DPP6: variants seen among roughly 807,000 people sequenced by gnomAD.
The protein encoded by DPP6 is dipeptidyl peptidase like 6.
In DPP6, 69 loss-of-function variants were observed where a neutral mutation model predicts 122.6. That is an observed-to-expected ratio of 0.56 (90% CI 0.46 to 0.69). The LOEUF (loss-of-function observed/expected upper bound fraction) is 0.69. Among genes scored for constraint, DPP6 ranks in the 30% least tolerant of loss-of-function variants. DPP6 has a pLI of 0.00. For synonymous variants in DPP6, 418 were observed against 433.1 expected, an observed-to-expected ratio of 0.97 and a Z score of 0.43; for missense variants, 928 against 1,116.9, an observed-to-expected ratio of 0.83 and a Z score of 2.41.
In DPP6 at chr7:154,542,276, C is replaced by T. The variant is rs544141217; in HGVS notation, c.552+1650C>T. 6.6e-5 allele frequency among the ~76,000 whole-genome samples: 10 copies of T among 152,248 alleles called. No individual in the cohort carries two copies. The South Asian group carries it at 2.1e-3, about 32-fold the overall frequency. ...AAAAAAATCATCTTTGGTAGAATTA[C>T]TCCCCTAAGAGAATCTGATTCAACT... On this transcript the variant is annotated intron_variant, in intron 4 of 25. Coordinates refer to ENST00000377770, the MANE Select transcript of DPP6 (RefSeq NM_130797.4).
the DPP6 span, among the ~76,000 whole-genome samples, chr7:153,752,328 C>T: frequency 6.7e-6 from 1 of 149,388 alleles, no homozygotes; most frequent in African/African-American, 2.5e-5. Flanking sequence ...TGGCTCACTG[C>T]ATCCTCCACC....
chr7:154,130,844 G>T (rs112546090), intron 1 of DPP6, among the ~76,000 whole-genome samples: 1,877 of 152,188 alleles, frequency 0.012, 37 homozygotes, highest in African/African-American at 0.042. Flanking sequence ...AGCAAGAGTA[G>T]CCCCTGCAAG....
At chr7:154,463,559 G>C (rs1821519774) in intron 2 of DPP6, among the ~76,000 whole-genome samples, 2 of 152,054 alleles carry the variant, frequency 1.3e-5, no homozygotes, top group Admixed American at 6.6e-5. Flanking sequence ...CCCACAGCTG[G>C]GAATGTCCTG....
the DPP6 span, among the ~76,000 whole-genome samples, chr7:153,764,168 A>G: frequency 2.6e-5 from 4 of 152,110 alleles, no homozygotes; most frequent in African/African-American, 7.2e-5. Context: ...CTAATATAAC[A>G]TTATTAGCTT....
upstream of DPP6, among the ~76,000 whole-genome samples, chr7:154,052,204 C>A (rs1466223299): frequency 6.6e-6 from 1 of 151,720 alleles, no homozygotes; most frequent in African/African-American, 2.4e-5. This position sits in a 1 kb window ranked among gnomAD's most constrained non-coding sequence, Gnocchi z 4.8. Context: ...CCGCGTGGTC[C>A]CAGCCCCTCC....
intron 5 of DPP6, among the ~76,000 whole-genome samples, chr7:154,621,712 C>G (rs1424408515): frequency 6.6e-6 from 1 of 152,112 alleles, no homozygotes; most frequent in Non-Finnish European, 1.5e-5. Context: ...TTTTCTCTTC[C>G]AACATGATAA....
rs373378162 is a variant in DPP6 at position 154,023,318 on chromosome 7, G to GCACGCACACA, written c.51+135587_51+135588insGCACACACAC. On this transcript the variant is annotated intron_variant, in intron 1 of 25. Coordinates refer to the DPP6 transcript ENST00000404039. The stretch of plus-strand genomic sequence containing the variant: ...CAGGCTCTGGAAATGTTTCTTGTCT[G>GCACGCACACA]CACACACACACACACACACACACAC... Among the ~76,000 whole-genome samples the GCACGCACACA allele has an allele frequency of 1.3e-3, 167 of 129,596 alleles. 1 individual carries two copies. The highest frequency in any genetic ancestry group is 5.3e-3 in the African/African-American group (166 of 31,158). The allele number at this position is 129,596 out of a possible 152,430, so 85.0% of individuals were successfully genotyped here. A position where few individuals can be genotyped will look rare whatever the true frequency, so the allele number is the denominator to read the frequency against.
At chr7:153,801,283 A>G in the DPP6 span, among the ~76,000 whole-genome samples, 15 of 146,570 alleles carry the variant, frequency 1.0e-4, no homozygotes, top group East Asian at 2.0e-3. Flanking sequence ...ATGAGAAGGA[A>G]TCAAGGAAGT....
intron 1 of DPP6, among the ~76,000 whole-genome samples, chr7:154,441,347 G>T (rs1158672324): frequency 6.6e-6 from 1 of 152,034 alleles, no homozygotes; most frequent in African/African-American, 2.4e-5. Flanking sequence ...TTACTTGGTG[G>T]TGATAGCAAT....
chr7:154,634,012 T>C (rs1185542922), intron 5 of DPP6, among the ~76,000 whole-genome samples: 1 of 137,218 alleles, frequency 7.3e-6, no homozygotes, highest in Non-Finnish European at 1.6e-5. Context: ...TTTTTTTTTC[T>C]TTTTTTTTTT....
At chr7:154,653,643 A>T (rs1368749431) in intron 6 of DPP6, among the ~76,000 whole-genome samples, 1 of 152,248 alleles carries the variant, frequency 6.6e-6, no homozygotes, top group Non-Finnish European at 1.5e-5. Flanking sequence ...GATGATTGAT[A>T]GATAGAAAAC....
chr7:153,875,363 C>G, the DPP6 span, among the ~76,000 whole-genome samples: 1 of 151,924 alleles, frequency 6.6e-6, no homozygotes, highest in East Asian at 1.9e-4. Flanking sequence ...TGAGAGAACT[C>G]TTCATGCAAA....
At chr7:154,143,097 A>G (rs758731844) in intron 1 of DPP6, among the ~76,000 whole-genome samples, 1 of 147,754 alleles carries the variant, frequency 6.8e-6, no homozygotes, top group African/African-American at 2.5e-5. Flanking sequence ...TCCTAGTCTA[A>G]TATCAGTAGG....
the DPP6 span, among the ~76,000 whole-genome samples, chr7:153,843,410 C>A: frequency 1.3e-5 from 2 of 152,176 alleles, no homozygotes; most frequent in Non-Finnish European, 2.9e-5. Context: ...ATTGTGGGAT[C>A]TCGCCAGCAC....
rs1322961236 is a variant in DPP6, at chr7:154,459,553, G to A, written c.358+13225G>A. Among the ~76,000 whole-genome samples, 8 of 151,946 alleles carry A rather than the reference G, an allele frequency of 5.3e-5. No individual in the cohort carries two copies. In the East Asian group the frequency reaches 1.4e-3, roughly 26 times the overall value. On this transcript the variant is annotated intron_variant, in intron 2 of 25. Coordinates refer to ENST00000377770, the MANE Select transcript of DPP6 (RefSeq NM_130797.4). ...ACAGTAGAAATATATTAAATTGGCT[G>A]GGCATGGTGGCTCATCCTGTAATCT... is the stretch of plus-strand genomic sequence containing the variant.
At chr7:154,617,325 G>A (rs971273622) in intron 5 of DPP6, among the ~76,000 whole-genome samples, 9 of 152,308 alleles carry the variant, frequency 5.9e-5, no homozygotes, top group Non-Finnish European at 1.0e-4. Context: ...TGTATTGTTG[G>A]CAATTGTTTT....
intron 1 of DPP6, among the ~76,000 whole-genome samples, chr7:154,365,940 A>C (rs1387829631): frequency 2.1e-5 from 3 of 140,624 alleles, no homozygotes; most frequent in Non-Finnish European, 4.5e-5. Context: ...CCTGGGCGAC[A>C]GAGCGAGACT....
At chr7:154,831,055 G>C (rs1167160525) in intron 16 of DPP6, among the ~76,000 whole-genome samples, 3 of 152,132 alleles carry the variant, frequency 2.0e-5, no homozygotes, top group African/African-American at 7.2e-5. Flanking sequence ...TCATCCCCAC[G>C]GTGAGTGGGT....
At chr7:153,819,746 A>G in the DPP6 span, among the ~76,000 whole-genome samples, 5 of 152,236 alleles carry the variant, frequency 3.3e-5, no homozygotes, top group Non-Finnish European at 7.3e-5. Context: ...TGAACTGTAT[A>G]TGTAAAAATG....
Sources: gnomAD v4.1 joint callset for allele counts (sites outside exome capture counted in the v4.1 genomes callset) on GRCh38, gnomAD v4.1.1 for gene constraint, Gnocchi (gnomAD v3.1) non-coding constraint, MANE v1.5 for transcripts, NCBI Gene and HGNC (gene_info 2026-07-23, HGNC 2026-07-21) for gene names.